MPDZ: variants seen among roughly 807,000 people sequenced by gnomAD.
MPDZ encodes the protein multiple PDZ domain protein.
MPDZ carries 234 observed loss-of-function variants against 239.1 expected under a neutral mutation model. That is an observed-to-expected ratio of 0.98 (90% CI 0.88 to 1.09). The LOEUF (loss-of-function observed/expected upper bound fraction) is 1.09. Ranked by LOEUF, MPDZ falls within the 50% of genes least tolerant of loss-of-function variation. The pLI, the probability that MPDZ is intolerant of heterozygous loss-of-function variation, is 0.00. For missense variants in MPDZ, 3,175 were observed against 2,510.0 expected, an observed-to-expected ratio of 1.26 and a Z score of -5.66; for synonymous variants, 1,048 against 881.3, an observed-to-expected ratio of 1.19 and a Z score of -3.35.
At chr9:13,209,383 G>T (rs931275638) in intron 10 of MPDZ, among the ~76,000 whole-genome samples, 5 of 152,114 alleles carry the variant, frequency 3.3e-5, no homozygotes, top group African/African-American at 1.2e-4. Context: ...CTCTACCACT[G>T]GTTTCCTCTT....
At chr9:13,164,851 T>C (rs1164523168) in intron 22 of MPDZ, among the ~76,000 whole-genome samples, 1 of 152,122 alleles carries the variant, frequency 6.6e-6, no homozygotes, top group African/African-American at 2.4e-5. Context: ...AGCACAAGCC[T>C]GGTCACAGGA....
At chr9:13,142,283 AG>A (rs1208656118) in intron 27 of MPDZ, among the ~76,000 whole-genome samples, 5 of 152,072 alleles carry the variant, frequency 3.3e-5, no homozygotes, top group African/African-American at 1.2e-4. Flanking sequence ...CTGGGATCTC[AG>A]GCACAACATT....
chr9:13,132,041 T>G (rs867118579), intron 32 of MPDZ, among the ~76,000 whole-genome samples: 2 of 152,234 alleles, frequency 1.3e-5, no homozygotes, highest in Middle Eastern at 3.2e-3. Context: ...TCTAGCTACC[T>G]GAGCTTTAGA....
chr9:13,196,253 G>C lies in MPDZ; in HGVS notation c.1547-23C>G, dbSNP rs1485844423. 3 of 1,504,734 alleles carry C rather than the reference G, an allele frequency of 2.0e-6. No individual in the cohort carries two copies. In the East Asian group the frequency reaches 7.0e-5, roughly 35 times the overall value. 93.2% of individuals were successfully genotyped at this position (1,504,734 alleles called of 1,614,324 possible). A position where few individuals can be genotyped will look rare whatever the true frequency, so the allele number is the denominator to read the frequency against. ...ACCCTGAAACAGTCAAGGCAATTAA[G>C]TTAGCAGCAAACTACAGAAATCTCC... On this transcript the variant is annotated intron_variant, in intron 12 of 46. Coordinates refer to ENST00000319217, the MANE Select transcript of MPDZ (RefSeq NM_001378778.1).
rs1209018108 is a variant in MPDZ, at chr9:13,224,477, G to C, written c.290C>G (p.Pro97Arg). 7 of 1,612,834 alleles carry C rather than the reference G, an allele frequency of 4.3e-6. No individual in the cohort carries two copies. The highest frequency in any genetic ancestry group is 5.9e-6 in the Non-Finnish European group (7 of 1,179,186). The change falls in exon 4 of 47, where the codon CCA becomes CGA. Residue 97 changes from proline to arginine, a missense_variant. Pro to Arg is a moderately radical substitution (Grantham distance 103, BLOSUM62 -2). Coordinates refer to ENST00000319217, the MANE Select transcript of MPDZ (RefSeq NM_001378778.1). ...AAGTGCTTCCAGATTCCCATTGTTT[G>C]GGGATAATAAAAACGATTCATTTTG... ...TLQNESFLLS[P>R]NNGNLEALTG...
intron 38 of MPDZ, chr9:13,119,894 T>C (rs1944073241): frequency 4.0e-6 from 2 of 496,134 alleles, no homozygotes; most frequent in Non-Finnish European, 3.6e-6. Flanking sequence ...ATCATTTATA[T>C]ACACTGAGTA....
intron 22 of MPDZ, among the ~76,000 whole-genome samples, chr9:13,166,890 T>C (rs1454696941): frequency 5.3e-5 from 8 of 152,124 alleles, no homozygotes; most frequent in African/African-American, 1.9e-4. Flanking sequence ...TATGCCAAAC[T>C]GGTGTCACAA....
chr9:13,212,229 A>G (rs1178591818), intron 10 of MPDZ, among the ~76,000 whole-genome samples: 4 of 152,078 alleles, frequency 2.6e-5, no homozygotes, highest in South Asian at 4.1e-4. Context: ...TTTAAAATGT[A>G]TTCCTTACTC....
intron 32 of MPDZ, among the ~76,000 whole-genome samples, chr9:13,131,061 T>G (rs1945926699): frequency 6.6e-6 from 1 of 152,230 alleles, no homozygotes; most frequent in East Asian, 1.9e-4. Flanking sequence ...ACATTACCAT[T>G]AAATTACTTT....
At chr9:13,195,985 A>G in intron 13 of MPDZ, 136 bp downstream of exon 13, 2 of 552,014 alleles carry the variant, frequency 3.6e-6, no homozygotes, top group Non-Finnish European at 6.2e-6. Context: ...CTGGATCACC[A>G]TATTTAGGTT....
In MPDZ at chr9:13,110,638, G is replaced by C; in HGVS notation, c.5827C>G (p.Gln1943Glu). ...TATGCTTGGGATAAAAATCTTACCT[G>C]CATTTCAATGGAGCCAGATGCATTT... The part of the protein sequence containing the change: ...LKNASGSIEM[Q>E]VVAGGDVSVV... Residue 1943 changes from glutamine (Q) to glutamate (E), a missense_variant and splice_region_variant, in exon 44 of 47, where the codon CAG becomes GAG. Gln to Glu is a conservative substitution (Grantham distance 29, BLOSUM62 2). Coordinates refer to ENST00000319217, the MANE Select transcript of MPDZ (RefSeq NM_001378778.1). 6.2e-7 allele frequency: 1 copy of C among 1,612,148 alleles called. No individual in the cohort carries two copies. The highest frequency in any genetic ancestry group is 1.3e-5 in the African/African-American group (1 of 75,012).
chr9:13,276,822 A>G (rs535041568), intron 1 of MPDZ: 1 of 152,202 alleles, frequency 6.6e-6, no homozygotes, highest in Non-Finnish European at 1.5e-5. Context: ...GGAGAAAATA[A>G]TCTACCTCTA....
chr9:13,248,227 CAA>C (rs757008099), intron 2 of MPDZ, among the ~76,000 whole-genome samples: 16 of 59,952 alleles, frequency 2.7e-4, no homozygotes, highest in Non-Finnish European at 2.7e-4. Flanking sequence ...GACTCCATCT[CAA>C]AAAAAAAAAA....
At chr9:13,181,702 T>C (rs1234400954) in intron 19 of MPDZ, among the ~76,000 whole-genome samples, 1 of 152,174 alleles carries the variant, frequency 6.6e-6, no homozygotes, top group African/African-American at 2.4e-5. Flanking sequence ...AGCCAATATG[T>C]TGTGCTGCAT....
chr9:13,167,679 T>C (rs1172723112), intron 22 of MPDZ, among the ~76,000 whole-genome samples: 6 of 152,128 alleles, frequency 3.9e-5, no homozygotes, highest in African/African-American at 1.2e-4. Context: ...TAGAGGAAAA[T>C]GCCACATTGA....
rs766486342 is a variant in MPDZ at position 13,140,001 on chromosome 9, A to G, written c.3989T>C (p.Phe1330Ser). 2 of 1,613,460 alleles carry G rather than the reference A, an allele frequency of 1.2e-6. No individual in the cohort carries two copies. Among genetic ancestry groups the G allele is most frequent in the Non-Finnish European group, 8.5e-7 (1 of 1,179,652 alleles). ...ISQDVDKEDE[F>S]GYSWKNIRER... ...ACACAACTTACTCCAGCTGTAACCAAACTCATCCTCTTTGTCCACATCTTG... is the reference window on the plus strand; with the variant it reads ...ACACAACTTACTCCAGCTGTAACCAGACTCATCCTCTTTGTCCACATCTTG... Residue 1330 changes from phenylalanine (F) to serine (S), a missense_variant, in exon 28 of 47, where the codon TTT becomes TCT. Phe to Ser is a radical substitution (Grantham distance 155). Transcript: ENST00000319217.
chr9:13,147,416 A>G (rs1948579075), intron 26 of MPDZ, 132 bp downstream of exon 26: 2 of 635,042 alleles, frequency 3.1e-6, no homozygotes, highest in Non-Finnish European at 5.5e-6. Flanking sequence ...AAGCAAAACA[A>G]ACTTCTAACA....
intron 32 of MPDZ, among the ~76,000 whole-genome samples, chr9:13,128,168 G>A (rs145672675): frequency 1.8e-4 from 28 of 152,144 alleles, no homozygotes; most frequent in Admixed American, 5.9e-4. Context: ...GAAATTCTTT[G>A]ATACTTCTTC....
intron 19 of MPDZ, among the ~76,000 whole-genome samples, chr9:13,177,041 G>C (rs1484343708): frequency 6.6e-6 from 1 of 151,968 alleles, no homozygotes; most frequent in Non-Finnish European, 1.5e-5. Flanking sequence ...CTAAATCCAG[G>C]CTCTGTTATT....
Sources: gnomAD v4.1 joint callset for allele counts (sites outside exome capture counted in the v4.1 genomes callset) on GRCh38, gnomAD v4.1.1 for gene constraint, MANE v1.5 for transcripts, NCBI Gene and HGNC (gene_info 2026-07-23, HGNC 2026-07-21) for gene names.